Variants in PARM1 observed in about 807,000 individuals in gnomAD.
PARM1 encodes WSC4, cell wall integrity and stress response component 4 homolog.
In PARM1, 14 loss-of-function variants were observed where a neutral mutation model predicts 24.6. The observed-to-expected ratio is 0.57, with a 90% CI of 0.38 to 0.89. The LOEUF (loss-of-function observed/expected upper bound fraction) is 0.89, where lower values mean the gene tolerates loss of function less well. PARM1 is among the 40% of genes least tolerant of loss of function. PARM1 has a pLI of 0.00. For synonymous variants in PARM1, 179 were observed against 156.6 expected, an observed-to-expected ratio of 1.14 and a Z score of -1.07; for missense variants, 362 against 380.4, an observed-to-expected ratio of 0.95 and a Z score of 0.40.
intron 1 of PARM1, among the ~76,000 whole-genome samples, chr4:74,951,723 G>A (rs1341134700): frequency 6.6e-6 from 1 of 152,158 alleles, no homozygotes; most frequent in East Asian, 1.9e-4. Context: ...TGCTGAGGAT[G>A]ATGACTTCCA....
At chr4:74,936,477 GGAGTCTC>G (rs1456673784) in intron 1 of PARM1, among the ~76,000 whole-genome samples, 1 of 137,294 alleles carries the variant, frequency 7.3e-6, no homozygotes, top group Non-Finnish European at 1.6e-5. Flanking sequence ...TTTTTGAGAT[GGAGTCTC>G]TCTCTGTCTC....
At chr4:75,043,459 A>G (rs1391648234) in intron 3 of PARM1, among the ~76,000 whole-genome samples, 1 of 152,202 alleles carries the variant, frequency 6.6e-6, no homozygotes, top group Non-Finnish European at 1.5e-5. Flanking sequence ...ACAGGGGGTT[A>G]AAAACTTATT....
intron 1 of PARM1, among the ~76,000 whole-genome samples, chr4:74,985,320 C>A (rs941091684): frequency 6.6e-6 from 1 of 152,168 alleles, no homozygotes; most frequent in Non-Finnish European, 1.5e-5. Flanking sequence ...ACTTAATTGG[C>A]TATGTGATTA....
intron 2 of PARM1, among the ~76,000 whole-genome samples, chr4:75,020,731 G>A (rs907888754): frequency 2.0e-5 from 3 of 152,164 alleles, no homozygotes; most frequent in African/African-American, 7.2e-5. Flanking sequence ...CACACTGGCT[G>A]TCTCTCAGTT....
At chr4:74,940,216 T>G (rs895995602) in intron 1 of PARM1, among the ~76,000 whole-genome samples, 3 of 152,228 alleles carry the variant, frequency 2.0e-5, no homozygotes, top group South Asian at 2.1e-4. Context: ...ACTTCATTAC[T>G]TACAGAGTTT....
intron 3 of PARM1, among the ~76,000 whole-genome samples, chr4:75,043,256 A>AT (rs1205375223): frequency 6.6e-6 from 1 of 152,150 alleles, no homozygotes; most frequent in Non-Finnish European, 1.5e-5. Flanking sequence ...ATTCAATGAC[A>AT]TTTTTTACTA....
chr4:74,984,987 T>C (rs1161176159), intron 1 of PARM1, among the ~76,000 whole-genome samples: 1 of 152,078 alleles, frequency 6.6e-6, no homozygotes, highest in Non-Finnish European at 1.5e-5. Context: ...CCAAAGGACA[T>C]GAGTAAGCAA....
At chr4:75,039,121 A>G (rs1302777643) in intron 3 of PARM1, among the ~76,000 whole-genome samples, 2 of 152,228 alleles carry the variant, frequency 1.3e-5, no homozygotes, top group Admixed American at 6.5e-5. Flanking sequence ...TTTGTTATAC[A>G]CAGTTGACTT....
intron 1 of PARM1, among the ~76,000 whole-genome samples, chr4:75,008,777 T>C (rs532786928): frequency 6.6e-6 from 1 of 152,370 alleles, no homozygotes; most frequent in East Asian, 1.9e-4. Context: ...AATGAATGAA[T>C]GAATGAATTG....
intron 2 of PARM1, among the ~76,000 whole-genome samples, chr4:75,020,310 G>A (rs536476429): frequency 3.3e-5 from 5 of 152,198 alleles, no homozygotes; most frequent in East Asian, 1.9e-4. Flanking sequence ...AGACCTGGTC[G>A]TCTTACGGTG....
intron 1 of PARM1, among the ~76,000 whole-genome samples, chr4:74,989,664 C>T (rs1458007918): frequency 6.6e-6 from 1 of 152,128 alleles, no homozygotes; most frequent in African/African-American, 2.4e-5. Flanking sequence ...AGCCCTTCTA[C>T]CCTCTGTAGA....
At chr4:74,954,976 A>G in intron 1 of PARM1, among the ~76,000 whole-genome samples, 1 of 152,202 alleles carries the variant, frequency 6.6e-6, no homozygotes, top group East Asian at 1.9e-4. Context: ...GGCTTAAGCC[A>G]TGGTGGATAA....
At chr4:75,024,303 G>A (rs1723142550) in intron 2 of PARM1, among the ~76,000 whole-genome samples, 1 of 151,884 alleles carries the variant, frequency 6.6e-6, no homozygotes, top group African/African-American at 2.4e-5. Flanking sequence ...GCTGATTAAT[G>A]ACATGGAGTA....
intron 1 of PARM1, among the ~76,000 whole-genome samples, chr4:75,008,675 T>G (rs1380334329): frequency 6.6e-6 from 1 of 152,228 alleles, no homozygotes; most frequent in African/African-American, 2.4e-5. Flanking sequence ...CCATTACAAC[T>G]TGGTTTTACT....
chr4:74,959,191 ATTTATAAAATCATAAAATGT>A (rs1212160850), intron 1 of PARM1, among the ~76,000 whole-genome samples: 4 of 152,242 alleles, frequency 2.6e-5, no homozygotes, highest in Non-Finnish European at 5.9e-5. Flanking sequence ...AGAGATCTAG[ATTTATAAAATCATAAAATGT>A]TTTATCTGTG....
At position 75,023,683 on chromosome 4, in the gene PARM1, AAC is replaced by A. The variant is rs577219888; in HGVS notation, c.770-10198_770-10197del. Among the ~76,000 whole-genome samples, 13 of 152,364 alleles carry A rather than the reference AAC, an allele frequency of 8.5e-5. No individual in the cohort carries two copies. The South Asian group carries it at 2.5e-3, about 29-fold the overall frequency. The stretch of plus-strand genomic sequence containing the variant: ...TAGCTATGTTCACATCTGAAATAAT[AAC>A]AGTTTCAGAAAACTTGGAAAATCCA... On this transcript the variant is annotated intron_variant, in intron 2 of 3. Coordinates refer to ENST00000307428, the MANE Select transcript of PARM1 (RefSeq NM_015393.4).
chr4:74,933,219 C>T lies in PARM1; in HGVS notation c.-109C>T, dbSNP rs1721102922. ...TGGAGCTGTTCGCGCCTCCCGGCTC[C>T]CACCGCAGCCCACCCGGCAGAGGAG... On this transcript the variant is annotated 5_prime_UTR_variant, in exon 1 of 4. Transcript: ENST00000307428. 4.3e-6 allele frequency: 4 copies of T among 931,548 alleles called. No homozygotes were observed. The highest frequency in any genetic ancestry group is 1.6e-5 in the African/African-American group (1 of 60,608). The allele number at this position is 931,548 out of a possible 1,614,324, so 57.7% of individuals were successfully genotyped here.
intron 1 of PARM1, among the ~76,000 whole-genome samples, chr4:74,958,567 G>C (rs1323647405): frequency 6.6e-6 from 1 of 152,168 alleles, no homozygotes; most frequent in Non-Finnish European, 1.5e-5. Context: ...GTGTCCACAA[G>C]AAAGACCGTG....
At chr4:75,025,670 G>A (rs1723169760) in intron 2 of PARM1, among the ~76,000 whole-genome samples, 2 of 152,076 alleles carry the variant, frequency 1.3e-5, no homozygotes, top group Admixed American at 1.3e-4. Flanking sequence ...AGAGAGAAAT[G>A]AAGGAAGAGG....
Sources: gnomAD v4.1 joint callset for allele counts (sites outside exome capture counted in the v4.1 genomes callset) on GRCh38, gnomAD v4.1.1 for gene constraint, MANE v1.5 for transcripts, NCBI Gene and HGNC (gene_info 2026-07-23, HGNC 2026-07-21) for gene names.